Variants in SGMS1 observed in about 807,000 individuals in gnomAD.
SGMS1 encodes the protein sphingomyelin synthase 1.
In SGMS1, 13 loss-of-function variants were observed where a neutral mutation model predicts 46.2. The observed-to-expected ratio is 0.28, with a 90% CI of 0.18 to 0.45. SGMS1 has a LOEUF of 0.45. SGMS1 is among the 20% of genes least tolerant of loss of function. The pLI is 1.00. For synonymous variants in SGMS1, 203 were observed against 187.8 expected (o/e 1.08, Z -0.66); for missense variants, 324 against 519.9 (o/e 0.62, Z 3.66).
At chr10:50,498,076 A>T (rs1420766922) in intron 3 of SGMS1, among the ~76,000 whole-genome samples, 2 of 152,224 alleles carry the variant, frequency 1.3e-5, no homozygotes, top group Non-Finnish European at 2.9e-5. Flanking sequence ...TTTTTAAAAG[A>T]CAAGATGAAG....
intron 2 of SGMS1, among the ~76,000 whole-genome samples, chr10:50,589,405 G>C (rs1011315809): frequency 6.6e-6 from 1 of 152,094 alleles, no homozygotes; most frequent in Admixed American, 6.5e-5. Flanking sequence ...AGGACTACAG[G>C]CATGTGCCAC....
At chr10:50,577,596 A>G (rs1204615530) in intron 2 of SGMS1, among the ~76,000 whole-genome samples, 1 of 152,174 alleles carries the variant, frequency 6.6e-6, no homozygotes, top group Non-Finnish European at 1.5e-5. Flanking sequence ...ATAAAAAATT[A>G]CCCCTAGATT....
chr10:50,468,999 G>A (rs1176251773), intron 3 of SGMS1, among the ~76,000 whole-genome samples: 1 of 152,118 alleles, frequency 6.6e-6, no homozygotes, highest in Non-Finnish European at 1.5e-5. Context: ...AGGGTGAAGG[G>A]CTTAGAATCC....
At chr10:50,452,946 A>G (rs892792619) in intron 5 of SGMS1, among the ~76,000 whole-genome samples, 2 of 152,194 alleles carry the variant, frequency 1.3e-5, no homozygotes, top group Non-Finnish European at 2.9e-5. Context: ...AGAGAATATA[A>G]TGTAAAGAGT....
At chr10:50,542,450 C>T (rs550564617) in intron 2 of SGMS1, among the ~76,000 whole-genome samples, 23 of 151,918 alleles carry the variant, frequency 1.5e-4, no homozygotes, top group Non-Finnish European at 2.5e-4. Flanking sequence ...AGAAGAAACA[C>T]TAAAATTTCT....
At chr10:50,312,085 C>T (rs867072317) in intron 8 of SGMS1, among the ~76,000 whole-genome samples, 27 of 152,090 alleles carry the variant, frequency 1.8e-4, no homozygotes, top group Non-Finnish European at 2.8e-4. Context: ...TTTATTTGCT[C>T]GGTCAAGTAA....
At chr10:50,567,531 C>A (rs555698030) in intron 2 of SGMS1, among the ~76,000 whole-genome samples, 5 of 152,186 alleles carry the variant, frequency 3.3e-5, no homozygotes, top group Non-Finnish European at 5.9e-5. Flanking sequence ...TCCCCACCCC[C>A]ACTTGGGCTG....
chr10:50,422,871 C>CA (rs1849274534), intron 6 of SGMS1, among the ~76,000 whole-genome samples: 2 of 152,236 alleles, frequency 1.3e-5, no homozygotes, highest in South Asian at 4.1e-4. Flanking sequence ...ACCACCCGCA[C>CA]ACACATTCAT....
chr10:50,483,206 A>C (rs1216504676), intron 3 of SGMS1, among the ~76,000 whole-genome samples: 1 of 152,068 alleles, frequency 6.6e-6, no homozygotes, highest in Admixed American at 6.5e-5. Flanking sequence ...CAGCCTCCTG[A>C]GTGGCTGGGA....
At chr10:50,602,001 G>A (rs1049295921) in intron 1 of SGMS1, among the ~76,000 whole-genome samples, 7 of 152,222 alleles carry the variant, frequency 4.6e-5, no homozygotes, top group African/African-American at 1.7e-4. Context: ...CACTTGTGGA[G>A]TCATATTAGT....
intron 6 of SGMS1, among the ~76,000 whole-genome samples, chr10:50,414,054 C>A (rs976858408): frequency 2.0e-5 from 3 of 152,158 alleles, no homozygotes; most frequent in African/African-American, 7.2e-5. Context: ...AAGGTGAAGA[C>A]GCCTATTGTT....
At chr10:50,314,772 T>C (rs1847312281) in intron 8 of SGMS1, among the ~76,000 whole-genome samples, 1 of 151,714 alleles carries the variant, frequency 6.6e-6, no homozygotes, top group African/African-American at 2.4e-5. Context: ...AATGTAAAAG[T>C]AAGCTGGATG....
intron 5 of SGMS1, among the ~76,000 whole-genome samples, chr10:50,457,848 G>T: frequency 6.6e-6 from 1 of 152,174 alleles, no homozygotes. Context: ...AAGAAATGGT[G>T]TACCTAAAAT....
chr10:50,550,577 T>C lies in SGMS1; in HGVS notation c.-588-30656A>G, dbSNP rs574719758. On this transcript the variant is annotated intron_variant, in intron 2 of 10. Transcript: ENST00000361781. ...CTCCAGCAGCCAGACTCCTATACTATCTATCCCGGAACCTTGACTTAAAAA... is the reference window on the plus strand; with the variant it reads ...CTCCAGCAGCCAGACTCCTATACTACCTATCCCGGAACCTTGACTTAAAAA... Among the ~76,000 whole-genome samples the C allele has an allele frequency of 3.3e-5, 5 of 152,188 alleles. No individual in the cohort carries two copies. The South Asian group carries it at 1.0e-3, about 32-fold the overall frequency.
intron 6 of SGMS1, among the ~76,000 whole-genome samples, chr10:50,379,693 A>G (rs1848574071): frequency 6.6e-6 from 1 of 152,308 alleles, no homozygotes; most frequent in South Asian, 2.1e-4. Context: ...CAAGTCCAGG[A>G]CTTACATATA....
At chr10:50,410,179 G>A (rs796956172) in intron 6 of SGMS1, among the ~76,000 whole-genome samples, 1 of 152,246 alleles carries the variant, frequency 6.6e-6, no homozygotes, top group African/African-American at 2.4e-5. Flanking sequence ...AGCACTCAAT[G>A]ACATTCATTT....
At chr10:50,531,162 CAT>C (rs1293950218) in intron 2 of SGMS1, among the ~76,000 whole-genome samples, 1 of 152,142 alleles carries the variant, frequency 6.6e-6, no homozygotes, top group Non-Finnish European at 1.5e-5. Context: ...GGGCAGGCAC[CAT>C]TTATACCTCA....
intron 8 of SGMS1, among the ~76,000 whole-genome samples, chr10:50,320,997 T>C (rs1211606799): frequency 2.0e-5 from 3 of 152,170 alleles, no homozygotes; most frequent in Non-Finnish European, 4.4e-5. Flanking sequence ...ATATATTGTG[T>C]GTCCTCAAAA....
At chr10:50,426,450 A>G (rs927977557) in intron 6 of SGMS1, among the ~76,000 whole-genome samples, 1 of 152,196 alleles carries the variant, frequency 6.6e-6, no homozygotes, top group South Asian at 2.1e-4. Flanking sequence ...GAAATGTAGT[A>G]TTAAAGTCAT....
Sources: allele counts gnomAD v4.1 joint callset (sites outside exome capture counted in the v4.1 genomes callset), GRCh38; gene constraint gnomAD v4.1.1; transcripts MANE v1.5; gene names NCBI Gene and HGNC (gene_info 2026-07-23, HGNC 2026-07-21).